The following PLS3 variants were observed in gnomAD, a reference collection of about 807,000 sequenced individuals.
The protein encoded by PLS3 is plastin 3.
In PLS3, 11 loss-of-function variants were observed where a neutral mutation model predicts 46.5. The observed-to-expected ratio is 0.24, with a 90% CI of 0.15 to 0.39. The LOEUF is 0.39. Ranked by LOEUF, PLS3 falls within the 10% of genes least tolerant of loss-of-function variation. The probability of loss-of-function intolerance (pLI) is 1.00; values close to 1 mark genes in which losing one functional copy is unlikely to be tolerated. For missense variants in PLS3, 308 were observed against 461.8 expected (o/e 0.67, Z 3.05); for synonymous variants, 167 against 162.2 (o/e 1.03, Z -0.22).
intron 1 of PLS3, among the ~76,000 whole-genome samples, chrX:115,601,134 G>A (rs906858502): frequency 9.1e-6 from 1 of 110,137 alleles, no homozygotes; most frequent in African/African-American, 3.3e-5. Flanking sequence ...TAGATAGATG[G>A]GTGAAGAGCA....
chrX:115,630,917 ATG>A (rs1556639300), intron 5 of PLS3, among the ~76,000 whole-genome samples: 6 of 96,304 alleles, frequency 6.2e-5, no homozygotes, highest in African/African-American at 2.3e-4. Context: ...ACATGTATAT[ATG>A]TATATATACA....
At chrX:115,597,945 A>G (rs1459572625) in intron 1 of PLS3, among the ~76,000 whole-genome samples, 2 of 111,513 alleles carry the variant, frequency 1.8e-5, no homozygotes, top group South Asian at 3.8e-4. Flanking sequence ...TTTCCGAAGT[A>G]AAGTCTGCTA....
At chrX:115,622,027 A>G (rs782702060) in intron 2 of PLS3, 22 of 335,393 alleles carry the variant, frequency 6.6e-5, no homozygotes, top group Non-Finnish European at 9.7e-5. Context: ...TTTTAAGTAA[A>G]TCTACTTACA....
intron 2 of PLS3, 125 bp from the exon 3 acceptor site, chrX:115,622,121 T>C (rs904584623): frequency 9.5e-5 from 51 of 535,503 alleles, no homozygotes; most frequent in Non-Finnish European, 2.4e-5. Flanking sequence ...AACTTTATGT[T>C]CCCCACAATA....
chrX:115,604,762 A>G (rs1317022739), intron 1 of PLS3, among the ~76,000 whole-genome samples: 1 of 111,523 alleles, frequency 9.0e-6, no homozygotes, highest in African/African-American at 3.3e-5. Flanking sequence ...TGAATGCCCC[A>G]TGAAGAGGAA....
chrX:115,620,249 A>G (rs1603236445), intron 2 of PLS3, among the ~76,000 whole-genome samples: 1 of 110,282 alleles, frequency 9.1e-6, no homozygotes. Flanking sequence ...CACTCTACCC[A>G]AGTCATATTG....
At chrX:115,569,687 C>T (rs1289527738) in intron 1 of PLS3, among the ~76,000 whole-genome samples, 7 of 111,467 alleles carry the variant, frequency 6.3e-5, no homozygotes, top group African/African-American at 2.0e-4. Flanking sequence ...TGAAACTTAA[C>T]CCATGCCATT....
At chrX:115,635,105 G>C in intron 7 of PLS3, 59 bp downstream of exon 7, 9 of 1,006,857 alleles carry the variant, frequency 8.9e-6, no homozygotes, top group Non-Finnish European at 1.2e-5. Context: ...TAGTCATGCA[G>C]ACTTTCGTGC....
At chrX:115,610,151 T>C (rs967096490) in intron 1 of PLS3, 92 bp from the exon 2 acceptor site, 16 of 380,470 alleles carry the variant, frequency 4.2e-5, no homozygotes, top group Non-Finnish European at 4.5e-6. Context: ...TTTGAAATTC[T>C]GTTTAAATTA....
At chrX:115,569,213 T>G (rs1205862309) in intron 1 of PLS3, among the ~76,000 whole-genome samples, 3 of 111,332 alleles carry the variant, frequency 2.7e-5, no homozygotes, top group Non-Finnish European at 5.6e-5. Flanking sequence ...GATTCTGTGC[T>G]GTGTACAATC....
intron 10 of PLS3, among the ~76,000 whole-genome samples, chrX:115,643,799 C>T (rs1603245897): frequency 9.0e-6 from 1 of 110,805 alleles, no homozygotes; most frequent in Non-Finnish European, 1.9e-5. Flanking sequence ...GGTGAAACCC[C>T]GTCTCTACGA....
At chrX:115,606,100 A>T (rs2074488780) in intron 1 of PLS3, among the ~76,000 whole-genome samples, 1 of 97,830 alleles carries the variant, frequency 1.0e-5, no homozygotes, top group Non-Finnish European at 2.0e-5. Context: ...GGGGGCAGGA[A>T]TGGTTTATGT....
At chrX:115,574,290 T>A (rs188628960) in intron 1 of PLS3, among the ~76,000 whole-genome samples, 1 of 111,995 alleles carries the variant, frequency 8.9e-6, no homozygotes, top group Non-Finnish European at 1.9e-5. Flanking sequence ...TGGATGGCCA[T>A]AAATGCTCCT....
At chrX:115,577,553 C>T (rs1248291229) in intron 1 of PLS3, among the ~76,000 whole-genome samples, 1 of 110,803 alleles carries the variant, frequency 9.0e-6, no homozygotes, top group Non-Finnish European at 1.9e-5. Flanking sequence ...TCTCGGCTCA[C>T]TGCAGCCTCT....
intron 3 of PLS3, among the ~76,000 whole-genome samples, chrX:115,623,624 T>C (rs2074678513): frequency 8.9e-6 from 1 of 112,089 alleles, no homozygotes; most frequent in African/African-American, 3.2e-5. Flanking sequence ...ATTATTAATT[T>C]AAGGCTGAGT....
chrX:115,644,364 A>C lies in PLS3; in HGVS notation c.1184-657A>C, dbSNP rs782661168. On this transcript the variant is annotated intron_variant, in intron 10 of 15. Coordinates refer to ENST00000355899, the MANE Select transcript of PLS3 (RefSeq NM_005032.7). The stretch of plus-strand genomic sequence containing the variant: ...GTAATCCCAGCACTTTGGGAGGCCA[A>C]GGTGGCCAGATCACCTAAGGTCAGG... Among the ~76,000 whole-genome samples the C allele has an allele frequency of 2.7e-5, 3 of 111,046 alleles. No individual in the cohort carries two copies. In the East Asian group the frequency reaches 8.5e-4, roughly 32 times the overall value.
intron 2 of PLS3, among the ~76,000 whole-genome samples, chrX:115,617,887 GGCAAATA>G (rs2074612000): frequency 8.9e-6 from 1 of 111,886 alleles, no homozygotes; most frequent in Admixed American, 9.5e-5. Context: ...GGAGGATACA[GGCAAATA>G]GTAATTTCTC....
rs183424333 is a variant in PLS3 at position 115,643,645 on chromosome X, C to G, written c.1183+137C>G. On this transcript the variant is annotated intron_variant, in intron 10 of 15. Transcript: ENST00000355899. The stretch of plus-strand genomic sequence containing the variant: ...ATGGCAGATGCTGAGTAAAAACTGG[C>G]AGGAAAGTACGATACAAGTGAACTT... 2.6e-5 allele frequency: 11 copies of G among 427,059 alleles called. No homozygotes were observed. In the East Asian group the frequency reaches 3.8e-4, roughly 15 times the overall value. 35.2% of individuals were successfully genotyped at this position (427,059 alleles called of 1,213,427 possible).
chrX:115,626,327 T>C (rs1317756050), intron 3 of PLS3, among the ~76,000 whole-genome samples: 4 of 108,558 alleles, frequency 3.7e-5, no homozygotes, highest in Non-Finnish European at 7.7e-5. Flanking sequence ...TCTTGTTGCC[T>C]AGGCTAGAGT....
Sources: allele counts gnomAD v4.1 joint callset (sites outside exome capture counted in the v4.1 genomes callset), GRCh38; gene constraint gnomAD v4.1.1; transcripts MANE v1.5; gene names NCBI Gene and HGNC (gene_info 2026-07-23, HGNC 2026-07-21).